The following COL22A1 variants were observed in gnomAD, a reference collection of about 807,000 sequenced individuals.
COL22A1 encodes collagen alpha-1(XXII) chain.
A neutral mutation model predicts 248.9 loss-of-function variants in COL22A1; 221 were observed. The ratio of observed to expected loss-of-function variants is 0.89; its 90% confidence interval spans 0.80 to 0.99. The LOEUF (loss-of-function observed/expected upper bound fraction) is 0.99, where lower values mean the gene tolerates loss of function less well. Ranked by LOEUF, COL22A1 falls within the 50% of genes least tolerant of loss-of-function variation. COL22A1 has a pLI of 0.00. For synonymous variants in COL22A1, 891 were observed against 793.4 expected (o/e 1.12, Z -2.07); for missense variants, 2,240 against 2,179.0 (o/e 1.03, Z -0.56).
rs1182572780 is a variant in COL22A1 at position 138,780,978 on chromosome 8, ACCCT to A, written c.1597-2_1598del. 3 of 1,598,092 alleles carry A rather than the reference ACCCT, an allele frequency of 1.9e-6. No homozygotes were observed. Among genetic ancestry groups the A allele is most frequent in the Admixed American group, 1.8e-5 (1 of 55,850 alleles). ...CAGGGGGGCCGGGCAGGCCCAGGGA[ACCCT>A]AAAGCCAAAAAAAGAGAATAGCAAT... On this transcript the variant is annotated splice_acceptor_variant and coding_sequence_variant, in exon 13 of 65. Transcript: ENST00000303045. LOFTEE classifies it high-confidence loss of function.
At chr8:138,601,796 A>G (rs1158158230) in intron 60 of COL22A1, among the ~76,000 whole-genome samples, 1 of 152,182 alleles carries the variant, frequency 6.6e-6, no homozygotes, top group Non-Finnish European at 1.5e-5. Flanking sequence ...GCACACGGGG[A>G]GAAAGAAATC....
chr8:138,862,946 C>T (rs1444787686), intron 3 of COL22A1, among the ~76,000 whole-genome samples: 1 of 152,078 alleles, frequency 6.6e-6, no homozygotes, highest in African/African-American at 2.4e-5. Flanking sequence ...CTACCCATTT[C>T]ACAGATGCTG....
chr8:138,732,399 C>T (rs1830776938), intron 23 of COL22A1, among the ~76,000 whole-genome samples: 1 of 152,178 alleles, frequency 6.6e-6, no homozygotes, highest in Non-Finnish European at 1.5e-5. Flanking sequence ...TTGAGGATGA[C>T]CTGGGTCAAA....
intron 3 of COL22A1, among the ~76,000 whole-genome samples, chr8:138,865,924 T>C (rs570632987): frequency 7.8e-6 from 1 of 127,986 alleles, no homozygotes; most frequent in African/African-American, 3.4e-5. Flanking sequence ...TGTGAGTGTA[T>C]ATGTGTGTGT....
chr8:138,869,875 G>A (rs1823186159), intron 3 of COL22A1, among the ~76,000 whole-genome samples: 1 of 152,182 alleles, frequency 6.6e-6, no homozygotes, highest in Non-Finnish European at 1.5e-5. Context: ...GGTCCACCCA[G>A]AGGGAACAGC....
At chr8:138,911,590 G>A (rs890199701) in intron 1 of COL22A1, among the ~76,000 whole-genome samples, 4 of 152,184 alleles carry the variant, frequency 2.6e-5, no homozygotes, top group African/African-American at 9.7e-5. Flanking sequence ...CCCAGCCATG[G>A]ACAGCCTTGC....
At chr8:138,618,636 T>C (rs1210562908) in intron 53 of COL22A1, among the ~76,000 whole-genome samples, 1 of 152,212 alleles carries the variant, frequency 6.6e-6, no homozygotes, top group African/African-American at 2.4e-5. Context: ...TCTTATTGAA[T>C]ACGAGCCAGG....
At chr8:138,600,127 A>G (rs1004208292) in intron 60 of COL22A1, among the ~76,000 whole-genome samples, 2 of 152,194 alleles carry the variant, frequency 1.3e-5, no homozygotes, top group Non-Finnish European at 2.9e-5. Context: ...TGCGGGACCA[A>G]TGATTTGGGA....
intron 27 of COL22A1, among the ~76,000 whole-genome samples, chr8:138,718,080 G>A (rs971328567): frequency 2.0e-5 from 3 of 151,906 alleles, no homozygotes; most frequent in African/African-American, 7.3e-5. Context: ...AGACTCAGTT[G>A]GTACCAAAGG....
intron 16 of COL22A1, among the ~76,000 whole-genome samples, chr8:138,765,399 C>T (rs377517442): frequency 6.6e-6 from 1 of 152,180 alleles, no homozygotes; most frequent in South Asian, 2.1e-4. Context: ...AGAAACTTAG[C>T]GGTGGTACCA....
chr8:138,696,319 A>G (rs1384205123), intron 32 of COL22A1, among the ~76,000 whole-genome samples: 1 of 152,138 alleles, frequency 6.6e-6, no homozygotes, highest in African/African-American at 2.4e-5. Context: ...TGGGATGAGC[A>G]TCTGCCTTGG....
intron 7 of COL22A1, among the ~76,000 whole-genome samples, chr8:138,813,337 A>G (rs985018885): frequency 6.6e-6 from 1 of 152,164 alleles, no homozygotes; most frequent in South Asian, 2.1e-4. Flanking sequence ...GGTTTCCCCC[A>G]TACTGTTCTC....
intron 16 of COL22A1, among the ~76,000 whole-genome samples, chr8:138,772,618 T>C (rs1226958822): frequency 1.3e-5 from 2 of 152,234 alleles, no homozygotes; most frequent in Non-Finnish European, 2.9e-5. Flanking sequence ...ACATTTCTAA[T>C]CACGCTGTAG....
At chr8:138,736,283 G>C (rs1298245342) in intron 23 of COL22A1, among the ~76,000 whole-genome samples, 1 of 151,796 alleles carries the variant, frequency 6.6e-6, no homozygotes, top group African/African-American at 2.4e-5. Flanking sequence ...GTGAAGCTTT[G>C]GTGGGTGGGG....
At chr8:138,681,247 C>T (rs1309941505) in intron 39 of COL22A1, among the ~76,000 whole-genome samples, 1 of 152,176 alleles carries the variant, frequency 6.6e-6, no homozygotes, top group Non-Finnish European at 1.5e-5. Flanking sequence ...CTATGCTAGG[C>T]AACTGTATGT....
intron 6 of COL22A1, among the ~76,000 whole-genome samples, chr8:138,822,962 C>G (rs568973497): frequency 6.6e-6 from 1 of 152,318 alleles, no homozygotes; most frequent in South Asian, 2.1e-4. Flanking sequence ...GTTTCCTTAA[C>G]CCTTATCCCT....
chr8:138,653,546 G>A (rs1032310687), intron 45 of COL22A1, among the ~76,000 whole-genome samples: 2 of 152,106 alleles, frequency 1.3e-5, no homozygotes, highest in Non-Finnish European at 2.9e-5. Context: ...TGTTTTTGAG[G>A]ATTTAATAAT....
rs79543250 is a variant in COL22A1, at chr8:138,869,709, C to A, written c.658+8041G>T. On this transcript the variant is annotated intron_variant, in intron 3 of 64. Coordinates refer to ENST00000303045, the MANE Select transcript of COL22A1 (RefSeq NM_152888.3). ...TTCAATTACGATTTCTATTTGGTGA[C>A]CTCAGTCCTAATAAGCCTCCCAAGA... 2.1e-4 allele frequency among the ~76,000 whole-genome samples: 32 copies of A among 152,302 alleles called. No homozygotes were observed. In the East Asian group the frequency reaches 6.0e-3, roughly 28 times the overall value.
Position 138,779,510 on chromosome 8 carries a change from C to G in COL22A1, c.1703G>C (p.Arg568Pro). The G allele has an allele frequency of 6.2e-7, 1 of 1,610,964 alleles. No individual in the cohort carries two copies. The highest frequency in any genetic ancestry group is 8.5e-7 in the Non-Finnish European group (1 of 1,177,226). Residue 568 changes from arginine (R) to proline (P), a missense_variant and splice_region_variant, in exon 14 of 65, where the codon CGG becomes CCG. Coordinates refer to ENST00000303045, the MANE Select transcript of COL22A1 (RefSeq NM_152888.3). ...GGCCCAGCTCACAGCAACACTCACCCGCATGCCGACCTCACCCGGCAGCCC... is the reference window on the plus strand; with the variant it reads ...GGCCCAGCTCACAGCAACACTCACCGGCATGCCGACCTCACCCGGCAGCCC... Reference protein sequence around the residue: ...EPGLPGEVGMRGPQGPPGLPG... With the variant: ...EPGLPGEVGMPGPQGPPGLPG...
Sources: gnomAD v4.1 joint callset for allele counts (sites outside exome capture counted in the v4.1 genomes callset) on GRCh38, gnomAD v4.1.1 for gene constraint, MANE v1.5 for transcripts, NCBI Gene and HGNC (gene_info 2026-07-23, HGNC 2026-07-21) for gene names.